The following CLEC16A variants were observed in gnomAD, a reference collection of about 807,000 sequenced individuals.
CLEC16A encodes the protein C-type lectin domain containing 16A.
A neutral mutation model predicts 109.5 loss-of-function variants in CLEC16A; 51 were observed. The observed-to-expected ratio is 0.47, with a 90% CI of 0.37 to 0.59. The LOEUF (loss-of-function observed/expected upper bound fraction) is 0.59. Ranked by LOEUF, CLEC16A falls within the 20% of genes least tolerant of loss-of-function variation. CLEC16A has a pLI of 0.00. For missense variants in CLEC16A, 1,339 were observed against 1,394.0 expected (o/e 0.96, Z 0.63); for synonymous variants, 673 against 564.2 (o/e 1.19, Z -2.73).
rs2041913247 is a variant in CLEC16A, at chr16:10,954,861, G to T, written c.81-2921G>T. Among the ~76,000 whole-genome samples, 1 of 152,142 alleles carries T rather than the reference G, an allele frequency of 6.6e-6. No homozygotes were observed. Among genetic ancestry groups the T allele is most frequent in the Non-Finnish European group, 1.5e-5 (1 of 68,034 alleles). ...GCCTGATCTCTTTTCTACCTTCCTG[G>T]AATATTCCTTAGATAATGTAGTAAT... On this transcript the variant is annotated intron_variant, in intron 1 of 23. Transcript: ENST00000409790. The surrounding 1 kb of genome is among the most constrained non-coding windows in gnomAD (Gnocchi z 4.2).
At chr16:11,075,929 A>C (rs1161355150) in intron 19 of CLEC16A, among the ~76,000 whole-genome samples, 1 of 151,978 alleles carries the variant, frequency 6.6e-6, no homozygotes, top group Non-Finnish European at 1.5e-5. Flanking sequence ...AGAAATGATC[A>C]CTCTAGTTAT....
Position 10,967,955 on chromosome 16 carries a change from G to A in CLEC16A, c.344-1206G>A, listed in dbSNP as rs556166290. On this transcript the variant is annotated intron_variant, in intron 3 of 23. Coordinates refer to ENST00000409790, the MANE Select transcript of CLEC16A (RefSeq NM_015226.3). Reference sequence around the variant, plus strand: ...TCTGACTCCGTGGCGCAGGGCCGGGGCCCAAGATCCTACAGGTCTGACAAG... The same window carrying A: ...TCTGACTCCGTGGCGCAGGGCCGGGACCCAAGATCCTACAGGTCTGACAAG... 4.6e-5 allele frequency among the ~76,000 whole-genome samples: 7 copies of A among 152,356 alleles called. No homozygotes were observed. In the South Asian group the frequency reaches 1.4e-3, roughly 32 times the overall value.
At chr16:11,011,398 C>T (rs1218649371) in intron 11 of CLEC16A, among the ~76,000 whole-genome samples, 4 of 152,174 alleles carry the variant, frequency 2.6e-5, no homozygotes, top group Admixed American at 2.0e-4. Flanking sequence ...GTTTATAGTG[C>T]ATTACTGTAT....
intron 19 of CLEC16A, among the ~76,000 whole-genome samples, chr16:11,115,073 C>T (rs745337852): frequency 6.6e-6 from 1 of 152,090 alleles, no homozygotes; most frequent in African/African-American, 2.4e-5. Flanking sequence ...GTCTTTCTTC[C>T]GCTGAAGCCC....
At chr16:10,987,583 G>A (rs974059697) in intron 10 of CLEC16A, among the ~76,000 whole-genome samples, 5 of 152,182 alleles carry the variant, frequency 3.3e-5, no homozygotes, top group African/African-American at 1.2e-4. Flanking sequence ...GCCCACATGT[G>A]TCGGCTTTCT....
intron 19 of CLEC16A, among the ~76,000 whole-genome samples, chr16:11,113,764 G>A (rs923706823): frequency 4.6e-5 from 7 of 152,186 alleles, no homozygotes; most frequent in Non-Finnish European, 2.9e-5. Context: ...TCTGGAAGGC[G>A]AATTCATTCC....
chr16:11,119,057 T>G (rs1412575827), intron 19 of CLEC16A, among the ~76,000 whole-genome samples: 1 of 152,230 alleles, frequency 6.6e-6, no homozygotes, highest in Non-Finnish European at 1.5e-5. Context: ...GCTGAAGTGC[T>G]GTGGTGCGAT....
intron 19 of CLEC16A, among the ~76,000 whole-genome samples, chr16:11,096,282 CTA>C (rs1219601774): frequency 6.6e-6 from 1 of 152,018 alleles, no homozygotes; most frequent in African/African-American, 2.4e-5. Context: ...GAAGTCAAGC[CTA>C]TAGTGAGCTG....
intron 19 of CLEC16A, among the ~76,000 whole-genome samples, chr16:11,117,400 T>G (rs1054936961): frequency 3.9e-5 from 6 of 152,196 alleles, no homozygotes; most frequent in Non-Finnish European, 7.4e-5. Context: ...TTTGGCACAT[T>G]TTCTCTGTAC....
chr16:11,056,469 GAA>G (rs2048220073), intron 18 of CLEC16A: 5 of 152,204 alleles, frequency 3.3e-5, no homozygotes, highest in Admixed American at 3.3e-4. Flanking sequence ...TAATGCCAGA[GAA>G]AAGAGAGTTA....
chr16:11,092,385 CACACACACACACACACAT>C (rs1380076958), intron 19 of CLEC16A, among the ~76,000 whole-genome samples: 7 of 150,858 alleles, frequency 4.6e-5, no homozygotes, highest in Admixed American at 3.3e-4. Context: ...CACACACACA[CACACACACACACACACAT>C]GCCAGGTGTG....
At chr16:11,091,451 G>A (rs2152964946) in intron 19 of CLEC16A, among the ~76,000 whole-genome samples, 1 of 152,328 alleles carries the variant, frequency 6.6e-6, no homozygotes. Flanking sequence ...TAGGGCGGGT[G>A]GGGCTGTGTG....
chr16:10,971,500 G>T, intron 5 of CLEC16A: 1 of 971,122 alleles, frequency 1.0e-6, no homozygotes, highest in Non-Finnish European at 1.2e-6. Flanking sequence ...ATTCAGAGTG[G>T]CTATGTTTTA....
At chr16:11,177,770 C>T (rs534459651) in intron 23 of CLEC16A, among the ~76,000 whole-genome samples, 131 of 151,962 alleles carry the variant, frequency 8.6e-4, no homozygotes, top group African/African-American at 3.0e-3. Context: ...TGGGTGCTGG[C>T]TCAGCACTTT....
chr16:10,979,276 TGCTC>T, intron 8 of CLEC16A, 49 bp from the exon 9 acceptor site: 1 of 1,543,488 alleles, frequency 6.5e-7, no homozygotes, highest in Non-Finnish European at 8.8e-7. Flanking sequence ...TATTTTGTGC[TGCTC>T]GCTTGTGTGA....
At chr16:11,086,351 G>A (rs1264618522) in intron 19 of CLEC16A, among the ~76,000 whole-genome samples, 1 of 152,216 alleles carries the variant, frequency 6.6e-6, no homozygotes, top group African/African-American at 2.4e-5. Context: ...TCTGTAAAGT[G>A]GGGCTAGGAA....
chr16:10,962,641 G>A, intron 3 of CLEC16A, 53 bp downstream of exon 3: 1 of 1,594,120 alleles, frequency 6.3e-7, no homozygotes, highest in Non-Finnish European at 8.6e-7. Flanking sequence ...GTAGCAGGGT[G>A]AAGTTGGGCG....
At position 11,123,809 on chromosome 16, in the gene CLEC16A, C is replaced by T. The variant is rs199546369; in HGVS notation, c.2336C>T (p.Ser779Phe). The change falls in exon 21 of 24, where the codon TCC becomes TTC. Residue 779 changes from serine (S) to phenylalanine (F), a missense_variant. Physicochemically the swap from Ser to Phe is radical, Grantham distance 155. Coordinates refer to ENST00000409790, the MANE Select transcript of CLEC16A (RefSeq NM_015226.3). ...AACATCACCATCCACAAGCCTGCGT[C>T]CAGCCCCCATTCCAAGCCCTTCCCC... The part of the protein sequence containing the change: ...ALNITIHKPA[S>F]SPHSKPFPIL... 3 of 1,613,980 alleles carry T rather than the reference C, an allele frequency of 1.9e-6. No individual in the cohort carries two copies. The African/African-American group carries it at 4.0e-5, about 22-fold the overall frequency.
chr16:11,180,311 C>G lies in CLEC16A; in HGVS notation c.*1621C>G, dbSNP rs1337480920. ...GGGGACAGGCCTCAGTCCTTAGAAG[C>G]CCTCTGGGTAGCTGTGCCCACCCAG... On this transcript the variant is annotated 3_prime_UTR_variant, in exon 24 of 24. Transcript: ENST00000409790. 1 of 152,300 alleles carries G rather than the reference C, an allele frequency of 6.6e-6. No individual in the cohort carries two copies. Among genetic ancestry groups the G allele is most frequent in the Non-Finnish European group, 1.5e-5 (1 of 68,126 alleles). 9.4% of individuals were successfully genotyped at this position (152,300 alleles called of 1,614,324 possible). A position where few individuals can be genotyped will look rare whatever the true frequency, so the allele number is the denominator to read the frequency against.
Sources: gnomAD v4.1 joint callset for allele counts (sites outside exome capture counted in the v4.1 genomes callset) on GRCh38, gnomAD v4.1.1 for gene constraint, Gnocchi (gnomAD v3.1) non-coding constraint, MANE v1.5 for transcripts, NCBI Gene and HGNC (gene_info 2026-07-23, HGNC 2026-07-21) for gene names.